PDCD11: variants seen among roughly 807,000 people sequenced by gnomAD.
PDCD11 encodes programmed cell death 11, also known as protein RRP5 homolog.
A neutral mutation model predicts 198.9 loss-of-function variants in PDCD11; 97 were observed. The observed-to-expected ratio is 0.49, with a 90% CI of 0.41 to 0.58. PDCD11 has a LOEUF of 0.58. Ranked by LOEUF, PDCD11 falls within the 20% of genes least tolerant of loss-of-function variation. The pLI is 0.00. For synonymous variants in PDCD11, 893 were observed against 918.0 expected, an observed-to-expected ratio of 0.97 and a Z score of 0.49; for missense variants, 2,102 against 2,312.7, an observed-to-expected ratio of 0.91 and a Z score of 1.87.
intron 12 of PDCD11, 60 bp downstream of exon 12, chr10:103,415,211 C>T (rs1481013332): frequency 1.9e-6 from 3 of 1,560,288 alleles, no homozygotes; most frequent in African/African-American, 1.4e-5. Context: ...CAGTTCTCAA[C>T]TGAAGTTTCT....
At chr10:103,435,051 T>C (rs2032095205) in intron 25 of PDCD11, 76 bp downstream of exon 25, 1 of 1,118,604 alleles carries the variant, frequency 8.9e-7, no homozygotes, top group East Asian at 2.8e-5. Flanking sequence ...TTGTAATACA[T>C]GACTTTTTAT....
intron 25 of PDCD11, among the ~76,000 whole-genome samples, chr10:103,437,767 C>G (rs1280087237): frequency 1.3e-5 from 2 of 152,152 alleles, no homozygotes; most frequent in Non-Finnish European, 2.9e-5. Context: ...GGATTACAGG[C>G]GTGAGCCACC....
At chr10:103,428,178 G>A (rs371079425) in intron 21 of PDCD11, among the ~76,000 whole-genome samples, 1 of 152,052 alleles carries the variant, frequency 6.6e-6, no homozygotes, top group Non-Finnish European at 1.5e-5. Context: ...GGTGGCGGGC[G>A]CTTGTAATCC....
In PDCD11 at chr10:103,425,108, T is replaced by G. The variant is rs1564769518; in HGVS notation, c.2888T>G (p.Phe963Cys). The change falls in exon 20 of 36, where the codon TTC (phenylalanine) becomes TGC (cysteine). Residue 963 changes from phenylalanine (F) to cysteine (C), a missense_variant. Phe to Cys is a radical substitution (Grantham distance 205). Transcript: ENST00000369797. ...FSLTSHLNDT[F>C]RFDSEKLQVG... ...CTGACCTCTCACCTCAACGACACCT[T>G]CCGCTTTGACTCAGAGAAATTGCAG... is the stretch of plus-strand genomic sequence containing the variant. The G allele has an allele frequency of 6.2e-7, 1 of 1,614,174 alleles. No individual in the cohort carries two copies.
At chr10:103,408,020 AC>A (rs1478140103) in intron 7 of PDCD11, among the ~76,000 whole-genome samples, 2 of 152,286 alleles carry the variant, frequency 1.3e-5, no homozygotes, top group Non-Finnish European at 2.9e-5. Flanking sequence ...CACCTGGCCT[AC>A]TATGACCTTG....
In PDCD11 at chr10:103,419,677, C is replaced by T; in HGVS notation, c.2246C>T (p.Pro749Leu). The change falls in exon 16 of 36, where the codon CCC becomes CTC. Residue 749 changes from proline (P) to leucine (L), a missense_variant. By Grantham distance (98) the Pro-to-Leu change is moderately conservative. Transcript: ENST00000369797. ...IKDYGVFIQF[P>L]SGLSGLAPKA... ...GACTATGGCGTGTTCATCCAGTTCC[C>T]CTCAGGTCTTAGCGGACTGGCCCCA... is the stretch of plus-strand genomic sequence containing the variant. 1 of 1,614,078 alleles carries T rather than the reference C, an allele frequency of 6.2e-7. No individual in the cohort carries two copies. The highest frequency in any genetic ancestry group is 8.5e-7 in the Non-Finnish European group (1 of 1,179,962).
intron 17 of PDCD11, 73 bp downstream of exon 17, chr10:103,421,640 G>A: frequency 8.0e-7 from 1 of 1,248,306 alleles, no homozygotes. Context: ...CTGTTGTTAG[G>A]TGAGTTGTTG....
rs1266770416 is a variant in PDCD11, at chr10:103,418,617, C to G, written c.2089C>G (p.Gln697Glu). The G allele has an allele frequency of 1.9e-6, 3 of 1,613,838 alleles. No individual in the cohort carries two copies. The highest frequency in any genetic ancestry group is 8.5e-7 in the Non-Finnish European group (1 of 1,179,912). The change falls in exon 15 of 36, where the codon CAG becomes GAG. Residue 697 changes from glutamine (Q) to glutamate (E), a missense_variant. Physicochemically the swap from Gln to Glu is conservative, Grantham distance 29 (BLOSUM62 2). Transcript: ENST00000369797. Reference protein sequence around the residue: ...DILHRVLCLSQSEGRVLLCRK... With the variant: ...DILHRVLCLSESEGRVLLCRK... ...CCTTCACCGAGTCCTGTGTCTGAGCCAGAGCGAGGGGCGTGTTGTATCCTT... is the reference window on the plus strand; with the variant it reads ...CCTTCACCGAGTCCTGTGTCTGAGCGAGAGCGAGGGGCGTGTTGTATCCTT...
At chr10:103,400,569 T>G (rs1362860307) in intron 3 of PDCD11, 41 bp downstream of exon 3, 1 of 1,583,000 alleles carries the variant, frequency 6.3e-7, no homozygotes, top group South Asian at 1.2e-5. Flanking sequence ...TCGACCTTGG[T>G]TGCTTAAGTT....
At chr10:103,415,992 G>A (rs1235071376) in intron 12 of PDCD11, among the ~76,000 whole-genome samples, 1 of 152,212 alleles carries the variant, frequency 6.6e-6, no homozygotes, top group Non-Finnish European at 1.5e-5. Flanking sequence ...GCCCATTGGT[G>A]CAAAATTTTA....
At chr10:103,427,980 A>G (rs545377837) in intron 21 of PDCD11, among the ~76,000 whole-genome samples, 9 of 152,274 alleles carry the variant, frequency 5.9e-5, no homozygotes, top group African/African-American at 2.2e-4. Context: ...GTAAATCTTA[A>G]TGCACCTAGA....
At chr10:103,413,825 G>A (rs2030943287) in intron 9 of PDCD11, 141 bp from the exon 10 acceptor site, 1 of 794,954 alleles carries the variant, frequency 1.3e-6, no homozygotes. Flanking sequence ...GTTTTTTAGT[G>A]TGAAGAATTA....
At chr10:103,401,505 G>A (rs1189257510) in intron 3 of PDCD11, among the ~76,000 whole-genome samples, 1 of 152,110 alleles carries the variant, frequency 6.6e-6, no homozygotes, top group East Asian at 1.9e-4. Flanking sequence ...TCCTGACCTC[G>A]TGATCTGCCT....
At chr10:103,436,847 G>C (rs1477738332) in intron 25 of PDCD11, among the ~76,000 whole-genome samples, 3 of 152,214 alleles carry the variant, frequency 2.0e-5, no homozygotes, top group Non-Finnish European at 4.4e-5. Flanking sequence ...TTTTTGCTGA[G>C]ATCCTTTCTA....
chr10:103,399,352 T>C (rs888022994), intron 2 of PDCD11, among the ~76,000 whole-genome samples: 19 of 151,958 alleles, frequency 1.3e-4, no homozygotes, highest in Non-Finnish European at 8.8e-5. Flanking sequence ...ACCCAGCTGA[T>C]GTTTTTGTTA....
chr10:103,404,749 A>G (rs1261163099), intron 4 of PDCD11, among the ~76,000 whole-genome samples: 1 of 152,232 alleles, frequency 6.6e-6, no homozygotes. Flanking sequence ...AGAATGAGTA[A>G]GGGATGAAGT....
chr10:103,397,029 T>G (rs1450577231), intron 1 of PDCD11, among the ~76,000 whole-genome samples: 2 of 152,170 alleles, frequency 1.3e-5, no homozygotes, highest in Admixed American at 6.5e-5. Context: ...CCTGTTTCTA[T>G]GAATCATATA....
Position 103,444,527 on chromosome 10 carries a change from C to T in PDCD11, c.5289C>T (p.Val1763=), listed in dbSNP as rs745357750. 1.2e-6 allele frequency: 2 copies of T among 1,614,126 alleles called. No homozygotes were observed. Among genetic ancestry groups the T allele is most frequent in the Non-Finnish European group, 1.7e-6 (2 of 1,179,998 alleles). ...ECLPSKEHVD[V]IAKFAQLEFQ... ...GTCCTCTCCCTGCAGATGTGGATGT[C>T]ATTGCCAAGTTTGCCCAGCTTGAGT... Residue 1763 remains valine (V), a synonymous_variant, in exon 35 of 36, where the codon GTC becomes GTT. Transcript: ENST00000369797.
In PDCD11 at chr10:103,427,270, C is replaced by T. The variant is rs942475537; in HGVS notation, c.3306-59C>T. 5 of 1,476,780 alleles carry T rather than the reference C, an allele frequency of 3.4e-6. No homozygotes were observed. The South Asian group carries it at 3.4e-5, about 10-fold the overall frequency. 91.5% of individuals were successfully genotyped at this position (1,476,780 alleles called of 1,614,324 possible). A position where few individuals can be genotyped will look rare whatever the true frequency, so the allele number is the denominator to read the frequency against. On this transcript the variant is annotated intron_variant, in intron 20 of 35. Transcript: ENST00000369797. Reference sequence around the variant, plus strand: ...GTGGAGAGTAGGGAGAAATCCTGACCTACAGATTACTGTGTTACAGAGATG... The same window carrying T: ...GTGGAGAGTAGGGAGAAATCCTGACTTACAGATTACTGTGTTACAGAGATG...
Sources: allele counts gnomAD v4.1 joint callset (sites outside exome capture counted in the v4.1 genomes callset), GRCh38; gene constraint gnomAD v4.1.1; transcripts MANE v1.5; gene names NCBI Gene and HGNC (gene_info 2026-07-23, HGNC 2026-07-21).